GALNT2: variants seen among roughly 807,000 people sequenced by gnomAD.
GALNT2 encodes UDP-GalNAc:polypeptide N-acetylgalactosaminyltransferase 2.
GALNT2 carries 31 observed loss-of-function variants against 81.4 expected under a neutral mutation model. That is an observed-to-expected ratio of 0.38 (90% CI 0.29 to 0.51). GALNT2 has a LOEUF of 0.51. GALNT2 is among the 20% of genes least tolerant of loss of function. The pLI is 0.87. For missense variants in GALNT2, 629 were observed against 765.7 expected (o/e 0.82, Z 2.11); for synonymous variants, 303 against 287.4 (o/e 1.05, Z -0.55).
intron 11 of GALNT2, chr1:230,262,363 C>G: frequency 1.9e-6 from 1 of 538,586 alleles, no homozygotes; most frequent in South Asian, 2.9e-5. Flanking sequence ...TCCAATGGTT[C>G]AGTAAGCACC....
intron 3 of GALNT2, among the ~76,000 whole-genome samples, chr1:230,225,442 C>T (rs1416049559): frequency 4.6e-5 from 7 of 152,152 alleles, no homozygotes; most frequent in African/African-American, 1.7e-4. Context: ...TCCCGTGGCC[C>T]CTTCTGCCTT....
At chr1:230,119,344 T>G (rs1348110466) in intron 1 of GALNT2, among the ~76,000 whole-genome samples, 2 of 152,204 alleles carry the variant, frequency 1.3e-5, no homozygotes, top group East Asian at 1.9e-4. Context: ...GGGGTAGTTT[T>G]CCATGTTCCT....
chr1:230,113,925 T>A (rs1327362544), intron 1 of GALNT2, among the ~76,000 whole-genome samples: 1 of 151,786 alleles, frequency 6.6e-6, no homozygotes, highest in Non-Finnish European at 1.5e-5. Flanking sequence ...TTTTTCAGAA[T>A]AACGTCAGCA....
At chr1:230,226,067 G>C (rs1664700295) in intron 3 of GALNT2, among the ~76,000 whole-genome samples, 1 of 152,218 alleles carries the variant, frequency 6.6e-6, no homozygotes, top group Admixed American at 6.5e-5. Context: ...AAGCAAATCA[G>C]AGTCCTGAAT....
chr1:230,168,215 T>C (rs1434821462), intron 1 of GALNT2, among the ~76,000 whole-genome samples: 2 of 152,224 alleles, frequency 1.3e-5, no homozygotes, highest in African/African-American at 4.8e-5. Flanking sequence ...TAGAATTATA[T>C]ATCATCTCTT....
intron 1 of GALNT2, among the ~76,000 whole-genome samples, chr1:230,171,968 C>T (rs1044337135): frequency 6.6e-6 from 1 of 151,982 alleles, no homozygotes; most frequent in African/African-American, 2.4e-5. Flanking sequence ...GCAGTCTCTG[C>T]CACTAGCAAG....
At chr1:230,236,227 G>C in intron 4 of GALNT2, 115 bp downstream of exon 4, 1 of 1,341,318 alleles carries the variant, frequency 7.5e-7, no homozygotes. Context: ...TGACTGCTCA[G>C]CACAGGGTGC....
At chr1:230,215,499 G>C (rs984565289) in intron 3 of GALNT2, among the ~76,000 whole-genome samples, 7 of 152,164 alleles carry the variant, frequency 4.6e-5, no homozygotes, top group African/African-American at 1.7e-4. Flanking sequence ...TGAGTAGGTT[G>C]GTCTACAGCA....
intron 2 of GALNT2, 112 bp from the exon 3 acceptor site, chr1:230,203,025 T>G: frequency 1.7e-6 from 2 of 1,180,108 alleles, no homozygotes; most frequent in Non-Finnish European, 2.4e-6. Context: ...AAATGGCCAC[T>G]ATATAAAGAA....
At chr1:230,171,774 G>A (rs1662801117) in intron 1 of GALNT2, among the ~76,000 whole-genome samples, 1 of 152,114 alleles carries the variant, frequency 6.6e-6, no homozygotes, top group African/African-American at 2.4e-5. Context: ...GTTTATTTTA[G>A]TGGTGTTTCA....
chr1:230,265,440 A>G (rs1666007424), intron 14 of GALNT2, 73 bp downstream of exon 14: 1 of 1,595,614 alleles, frequency 6.3e-7, no homozygotes, highest in Middle Eastern at 1.9e-4. Context: ...TGATGTTAGA[A>G]GTCCCAGCTG....
chr1:230,250,191 C>T (rs192499576), intron 9 of GALNT2, among the ~76,000 whole-genome samples: 14 of 152,344 alleles, frequency 9.2e-5, no homozygotes, highest in Admixed American at 2.0e-4. Context: ...CCCCAGCAGT[C>T]GCTCCCACAT....
chr1:230,201,925 A>G (rs1663905409), intron 2 of GALNT2, among the ~76,000 whole-genome samples: 1 of 152,208 alleles, frequency 6.6e-6, no homozygotes, highest in Admixed American at 6.5e-5. Flanking sequence ...CCCTGCCCCC[A>G]TAACAGCCTT....
chr1:230,078,683 A>G (rs1382247294), intron 1 of GALNT2, among the ~76,000 whole-genome samples: 8 of 152,236 alleles, frequency 5.3e-5, no homozygotes, highest in African/African-American at 1.2e-4. Context: ...ATCCTGGTGC[A>G]GTTTCTGGTG....
chr1:230,129,775 G>C (rs763989299), intron 1 of GALNT2, among the ~76,000 whole-genome samples: 34 of 152,334 alleles, frequency 2.2e-4, no homozygotes, highest in Non-Finnish European at 4.6e-4. Context: ...ATGCTGCTGG[G>C]GGTTGGCCGA....
At chr1:230,217,499 C>T (rs931909768) in intron 3 of GALNT2, among the ~76,000 whole-genome samples, 1 of 152,196 alleles carries the variant, frequency 6.6e-6, no homozygotes, top group African/African-American at 2.4e-5. Flanking sequence ...AGGCACCAAG[C>T]CCTAGGAGCC....
intron 1 of GALNT2, among the ~76,000 whole-genome samples, chr1:230,137,272 C>T (rs79502055): frequency 0.049 from 7,445 of 152,300 alleles, 471 homozygotes; most frequent in East Asian, 0.33. Context: ...TGGAGCTTCA[C>T]GTAGGCTGGG....
Position 230,067,249 on chromosome 1 carries a change from G to A in GALNT2, c.-32G>A. 1 of 1,262,132 alleles carries A rather than the reference G, an allele frequency of 7.9e-7. No individual in the cohort carries two copies. The highest frequency in any genetic ancestry group is 2.9e-4 in the Middle Eastern group (1 of 3,426). The allele number at this position is 1,262,132 out of a possible 1,614,324, so 78.2% of individuals were successfully genotyped here. On this transcript the variant is annotated 5_prime_UTR_variant, in exon 1 of 16. Transcript: ENST00000366672. ...CCGGCCCAGGCAGCACTCGCGAGCAGCGGCGGCCCCGCCGGCGGCCGAGTT... is the reference window on the plus strand; with the variant it reads ...CCGGCCCAGGCAGCACTCGCGAGCAACGGCGGCCCCGCCGGCGGCCGAGTT...
chr1:230,126,355 A>G (rs763376517), intron 1 of GALNT2, among the ~76,000 whole-genome samples: 7 of 152,206 alleles, frequency 4.6e-5, no homozygotes, highest in Non-Finnish European at 1.0e-4. Context: ...GAGGGCAGCC[A>G]TGCACTTTTT....
Sources: gnomAD v4.1 joint callset for allele counts (sites outside exome capture counted in the v4.1 genomes callset) on GRCh38, gnomAD v4.1.1 for gene constraint, MANE v1.5 for transcripts, NCBI Gene and HGNC (gene_info 2026-07-23, HGNC 2026-07-21) for gene names.